The following TSC22D1 variants were observed in gnomAD, a reference collection of about 807,000 sequenced individuals.
TSC22D1 encodes the protein TSC22 domain family member 1.
Under a neutral mutation model 74.2 loss-of-function variants are expected in TSC22D1, and 9 were observed. The observed-to-expected ratio is 0.12, with a 90% CI of 0.07 to 0.21. TSC22D1 has a LOEUF of 0.21. Ranked by LOEUF, TSC22D1 falls within the 10% of genes least tolerant of loss-of-function variation. The pLI is 1.00. For missense variants in TSC22D1, 1,427 were observed against 1,304.7 expected (o/e 1.09, Z -1.44); for synonymous variants, 586 against 492.5 (o/e 1.19, Z -2.51).
intron 1 of TSC22D1, among the ~76,000 whole-genome samples, chr13:44,474,763 G>A (rs1307234387): frequency 6.6e-6 from 1 of 151,956 alleles, no homozygotes; most frequent in African/African-American, 2.4e-5. Context: ...AGGACGGGAG[G>A]AGAGTAAAAG....
intron 1 of TSC22D1, among the ~76,000 whole-genome samples, chr13:44,518,738 G>A (rs1880169461): frequency 6.6e-6 from 1 of 152,090 alleles, no homozygotes; most frequent in Admixed American, 6.6e-5. Context: ...GTATTTAATA[G>A]GCAAACTGAC....
intron 1 of TSC22D1, among the ~76,000 whole-genome samples, chr13:44,490,383 T>C (rs1437239823): frequency 6.6e-6 from 1 of 150,746 alleles, no homozygotes; most frequent in Non-Finnish European, 1.5e-5. Flanking sequence ...TTCATGTAGA[T>C]GGAGGTTACA....
chr13:44,443,023 GAA>G (rs766837610), intron 1 of TSC22D1, among the ~76,000 whole-genome samples: 5 of 127,004 alleles, frequency 3.9e-5, no homozygotes, highest in Admixed American at 8.1e-5. Context: ...TGAAGTCCCT[GAA>G]AAAAAAAAAA....
chr13:44,458,696 T>G (rs1422329630), intron 1 of TSC22D1, among the ~76,000 whole-genome samples: 1 of 151,996 alleles, frequency 6.6e-6, no homozygotes, highest in Non-Finnish European at 1.5e-5. Context: ...TGCTCTCTGG[T>G]CTCTCCCCAC....
chr13:44,520,915 T>C (rs539764141), intron 1 of TSC22D1, among the ~76,000 whole-genome samples: 17 of 152,324 alleles, frequency 1.1e-4, no homozygotes, highest in African/African-American at 3.8e-4. Context: ...GTCTGGCACA[T>C]AGTAAATGCT....
chr13:44,515,314 T>TA (rs966569760), intron 1 of TSC22D1, among the ~76,000 whole-genome samples: 30 of 151,374 alleles, frequency 2.0e-4, no homozygotes, highest in African/African-American at 4.4e-4. Context: ...ATTTTTTTTT[T>TA]AAAAAGAATA....
chr13:44,572,022 G>A (rs904526791), intron 1 of TSC22D1, among the ~76,000 whole-genome samples: 6 of 152,006 alleles, frequency 3.9e-5, no homozygotes, highest in Admixed American at 2.6e-4. Flanking sequence ...GAATATAAAT[G>A]CTTAAATTCG....
At chr13:44,533,989 C>T (rs73190823) in intron 1 of TSC22D1, among the ~76,000 whole-genome samples, 2,188 of 152,096 alleles carry the variant, frequency 0.014, 27 homozygotes, top group South Asian at 0.039. Context: ...AGCCCATGCC[C>T]GTAATCTCAA....
At position 44,573,676 on chromosome 13, in the gene TSC22D1, G is replaced by T; in HGVS notation, c.2399C>A (p.Pro800His). Residue 800 changes from proline to histidine, a missense_variant, in exon 1 of 3, where the codon CCT (proline) becomes CAT (histidine). Pro to His is a moderately conservative substitution (Grantham distance 77). This residue lies in a region of TSC22D1 where 1,343 missense variants were observed against 1,191.5 expected (regional missense o/e 1.13). Transcript: ENST00000458659. Reference sequence around the variant, plus strand: ...TGGTTCTACTCCTTGTGGCTGGGGAGGCACAGTTAACAAGGAACTTTGGGA... The same window carrying T: ...TGGTTCTACTCCTTGTGGCTGGGGATGCACAGTTAACAAGGAACTTTGGGA... ...IASQSSLLTV[P>H]PQPQGVEPVA... The T allele has an allele frequency of 6.2e-7, 1 of 1,614,220 alleles. No homozygotes were observed. Among genetic ancestry groups the T allele is most frequent in the Non-Finnish European group, 8.5e-7 (1 of 1,180,038 alleles).
chr13:44,572,049 T>G (rs1883805371), intron 1 of TSC22D1, among the ~76,000 whole-genome samples: 1 of 152,170 alleles, frequency 6.6e-6, no homozygotes, highest in East Asian at 1.9e-4. Flanking sequence ...GAAAGTTCAA[T>G]CACAAAACCC....
At chr13:44,532,926 C>T (rs1006672108) in intron 1 of TSC22D1, among the ~76,000 whole-genome samples, 2 of 152,048 alleles carry the variant, frequency 1.3e-5, no homozygotes, top group Non-Finnish European at 2.9e-5. Flanking sequence ...ATCAGACTTG[C>T]TCTGTCGTCT....
chr13:44,475,836 A>G (rs1877881401), intron 1 of TSC22D1, among the ~76,000 whole-genome samples: 1 of 152,236 alleles, frequency 6.6e-6, no homozygotes, highest in African/African-American at 2.4e-5. Context: ...AGATAGCTCC[A>G]CCAAAAAGTC....
chr13:44,576,420 G>A (rs1884256655), upstream of TSC22D1: 2 of 222,244 alleles, frequency 9.0e-6, no homozygotes, highest in Non-Finnish European at 1.8e-5. Flanking sequence ...GGGAGGAAAA[G>A]CGAGAAATGC....
chr13:44,498,208 A>C (rs772320005), intron 1 of TSC22D1, among the ~76,000 whole-genome samples: 14 of 152,160 alleles, frequency 9.2e-5, no homozygotes, highest in South Asian at 2.1e-4. Flanking sequence ...TGAGGTGGGA[A>C]GATCACCTGA....
At chr13:44,437,663 ATTCC>A (rs1874833448) in intron 1 of TSC22D1, among the ~76,000 whole-genome samples, 2 of 152,212 alleles carry the variant, frequency 1.3e-5, no homozygotes, top group Non-Finnish European at 2.9e-5. Context: ...CACAGGTTGA[ATTCC>A]ACATAAATCT....
In TSC22D1 at chr13:44,434,693, G is replaced by C; in HGVS notation, c.3155C>G (p.Thr1052Ser). 1.2e-6 allele frequency: 2 copies of C among 1,610,610 alleles called. No homozygotes were observed. The change falls in exon 3 of 3, where the codon ACC (threonine) becomes AGC (serine). Residue 1052 changes from threonine to serine, a missense_variant. By Grantham distance (58) the Thr-to-Ser change is moderately conservative. This residue lies in a region of TSC22D1 where 63 missense variants were observed against 50.5 expected (regional missense o/e 1.25). Coordinates refer to ENST00000458659, the MANE Select transcript of TSC22D1 (RefSeq NM_183422.4). Reference sequence around the variant, plus strand: ...GGGCTGTGTGGTGCCCTGTGGCTGGGTGGTGGCAGGGGGGGAGCCAGTCTG... The same window carrying C: ...GGGCTGTGTGGTGCCCTGTGGCTGGCTGGTGGCAGGGGGGGAGCCAGTCTG... The part of the protein sequence containing the change: ...QLQTGSPPAT[T>S]QPQGTTQPPA...
chr13:44,474,132 A>C (rs1422447317), intron 1 of TSC22D1: 1 of 602,962 alleles, frequency 1.7e-6, no homozygotes, highest in Admixed American at 6.3e-5. Flanking sequence ...TTAGAAACCA[A>C]CTGCTTTTCA....
chr13:44,540,757 G>A (rs1211933630), intron 1 of TSC22D1, among the ~76,000 whole-genome samples: 1 of 152,084 alleles, frequency 6.6e-6, no homozygotes, highest in Non-Finnish European at 1.5e-5. Flanking sequence ...AATAAGAGAA[G>A]GAAGTTCAAA....
chr13:44,509,498 G>C (rs939543106), intron 1 of TSC22D1, among the ~76,000 whole-genome samples: 4 of 152,276 alleles, frequency 2.6e-5, no homozygotes, highest in Non-Finnish European at 4.4e-5. Flanking sequence ...AAATGAGCCG[G>C]ACGTGGTGGC....
Sources: allele counts gnomAD v4.1 joint callset (sites outside exome capture counted in the v4.1 genomes callset), GRCh38; gene constraint gnomAD v4.1.1; regional missense constraint gnomAD v4.1.1; transcripts MANE v1.5; gene names NCBI Gene and HGNC (gene_info 2026-07-23, HGNC 2026-07-21).